The following BBS9 variants were observed in gnomAD, a reference collection of about 807,000 sequenced individuals.
The protein encoded by BBS9 is Bardet-Biedl syndrome 9.
A neutral mutation model predicts 117.7 loss-of-function variants in BBS9; 89 were observed. The ratio of observed to expected loss-of-function variants is 0.76; its 90% CI spans 0.64 to 0.90. BBS9 has a LOEUF of 0.90. BBS9 is among the 40% of genes least tolerant of loss of function. The pLI is 0.00. For missense variants in BBS9, 982 were observed against 1,042.2 expected, an observed-to-expected ratio of 0.94 and a Z score of 0.80; for synonymous variants, 379 against 370.9, an observed-to-expected ratio of 1.02 and a Z score of -0.25.
chr7:33,208,535 T>C (rs1159749456), intron 5 of BBS9, among the ~76,000 whole-genome samples: 1 of 152,234 alleles, frequency 6.6e-6, no homozygotes. Flanking sequence ...ATAAGTCCTT[T>C]GCTTTCTTCT....
At chr7:33,199,423 G>T (rs577604135) in intron 5 of BBS9, among the ~76,000 whole-genome samples, 5 of 151,914 alleles carry the variant, frequency 3.3e-5, no homozygotes, top group African/African-American at 1.2e-4. Context: ...ACTGGCAATA[G>T]CTATGTTTTT....
At chr7:33,268,523 G>T (rs776684615) in intron 7 of BBS9, among the ~76,000 whole-genome samples, 2 of 152,166 alleles carry the variant, frequency 1.3e-5, no homozygotes, top group Non-Finnish European at 2.9e-5. Context: ...GTGCTTTGTT[G>T]TCTGGTGTCC....
At chr7:33,572,999 C>T (rs1274896651) in intron 21 of BBS9, among the ~76,000 whole-genome samples, 2 of 151,936 alleles carry the variant, frequency 1.3e-5, no homozygotes. Context: ...TCCTCCTTCC[C>T]TCTCACCCCT....
Position 33,605,496 on chromosome 7 carries a change from C to CACAA in BBS9, c.*271_*272insCAAA. 1 of 503,110 alleles carries CACAA rather than the reference C, an allele frequency of 2.0e-6. No individual in the cohort carries two copies. The allele number at this position is 503,110 out of a possible 1,614,324, so 31.2% of individuals were successfully genotyped here. On this transcript the variant is annotated 3_prime_UTR_variant, in exon 23 of 23. Coordinates refer to ENST00000242067, the MANE Select transcript of BBS9 (RefSeq NM_198428.3). ...TCCATCTGCTAATAGTCACAGAATA[C>CACAA]AGTGAAATGACATAGTTTTGGGTTA...
chr7:33,300,238 C>T (rs1326823950), intron 9 of BBS9, among the ~76,000 whole-genome samples: 3 of 152,104 alleles, frequency 2.0e-5, no homozygotes, highest in African/African-American at 7.2e-5. Context: ...ACCTTCCTCC[C>T]TCTCTCCAGT....
chr7:33,261,047 A>T (rs10280367), intron 6 of BBS9, among the ~76,000 whole-genome samples: 8,656 of 151,974 alleles, frequency 0.057, 325 homozygotes, highest in East Asian at 0.16. Flanking sequence ...CATATATGTT[A>T]AGGGTTTTTC....
At chr7:33,239,771 T>G (rs1220296167) in intron 5 of BBS9, among the ~76,000 whole-genome samples, 1 of 152,098 alleles carries the variant, frequency 6.6e-6, no homozygotes, top group Non-Finnish European at 1.5e-5. Flanking sequence ...GTGCTTTGGT[T>G]GTCTGAGGCA....
intron 2 of BBS9, among the ~76,000 whole-genome samples, chr7:33,148,912 C>T (rs2128100983): frequency 6.6e-6 from 1 of 152,354 alleles, no homozygotes; most frequent in South Asian, 2.1e-4. Flanking sequence ...GCGTGAGCCA[C>T]TGAGCCTGGC....
chr7:33,211,645 T>C (rs781387367), intron 5 of BBS9, among the ~76,000 whole-genome samples: 3 of 152,204 alleles, frequency 2.0e-5, no homozygotes, highest in Admixed American at 1.3e-4. Flanking sequence ...ATCATGACTA[T>C]GGTTTTGTAA....
intron 9 of BBS9, among the ~76,000 whole-genome samples, chr7:33,302,491 A>T (rs1014307533): frequency 3.3e-5 from 5 of 152,136 alleles, no homozygotes; most frequent in East Asian, 1.9e-4. Context: ...CATTTTTTGC[A>T]TACGGATATC....
At chr7:33,598,312 A>G (rs950202879) in intron 21 of BBS9, among the ~76,000 whole-genome samples, 3 of 152,162 alleles carry the variant, frequency 2.0e-5, no homozygotes, top group Non-Finnish European at 2.9e-5. Flanking sequence ...ATAGAAAAGT[A>G]TCATGCAATA....
intron 19 of BBS9, among the ~76,000 whole-genome samples, chr7:33,388,945 G>T (rs1239663089): frequency 6.6e-6 from 1 of 152,050 alleles, no homozygotes; most frequent in Non-Finnish European, 1.5e-5. Flanking sequence ...TTGATTTTTT[G>T]AATTGAGTTT....
chr7:33,457,215 CA>C (rs1215716019), intron 19 of BBS9, among the ~76,000 whole-genome samples: 1 of 152,190 alleles, frequency 6.6e-6, no homozygotes, highest in East Asian at 1.9e-4. Flanking sequence ...ATTAATGAGT[CA>C]CGGAAGCAAT....
At chr7:33,589,640 A>G (rs1399211429) in intron 21 of BBS9, among the ~76,000 whole-genome samples, 1 of 152,086 alleles carries the variant, frequency 6.6e-6, no homozygotes, top group Non-Finnish European at 1.5e-5. Flanking sequence ...AGACACTGAA[A>G]GGGTGGAGTT....
At chr7:33,447,086 C>A (rs1194699159) in intron 19 of BBS9, among the ~76,000 whole-genome samples, 2 of 152,200 alleles carry the variant, frequency 1.3e-5, no homozygotes, top group Non-Finnish European at 2.9e-5. Flanking sequence ...AAAGGCCATG[C>A]AAGTATTTTT....
At chr7:33,595,358 C>T (rs954212460) in intron 21 of BBS9, among the ~76,000 whole-genome samples, 7 of 151,974 alleles carry the variant, frequency 4.6e-5, no homozygotes, top group African/African-American at 7.2e-5. Flanking sequence ...GAAACAACCC[C>T]ATCAAAAAGT....
chr7:33,216,223 A>G (rs977643529), intron 5 of BBS9, among the ~76,000 whole-genome samples: 1 of 152,222 alleles, frequency 6.6e-6, no homozygotes, highest in African/African-American at 2.4e-5. Flanking sequence ...TGACATTTCT[A>G]CTTCTGCTTT....
At chr7:33,258,593 T>A (rs908272896) in intron 6 of BBS9, among the ~76,000 whole-genome samples, 3 of 152,288 alleles carry the variant, frequency 2.0e-5, no homozygotes, top group Non-Finnish European at 2.9e-5. Flanking sequence ...AAATAAAATA[T>A]TATATTTATT....
intron 19 of BBS9, among the ~76,000 whole-genome samples, chr7:33,443,609 A>G (rs1836541546): frequency 1.3e-5 from 2 of 152,228 alleles, no homozygotes; most frequent in Admixed American, 1.3e-4. Context: ...TGGAATCCCT[A>G]TTACACATAA....
Sources: gnomAD v4.1 joint callset for allele counts (sites outside exome capture counted in the v4.1 genomes callset) on GRCh38, gnomAD v4.1.1 for gene constraint, MANE v1.5 for transcripts, NCBI Gene and HGNC (gene_info 2026-07-23, HGNC 2026-07-21) for gene names.